Variants in AP2A2 observed in about 807,000 individuals in gnomAD.
The protein encoded by AP2A2 is AP-2 complex subunit alpha-2.
AP2A2 carries 32 observed loss-of-function variants against 104.2 expected under a neutral mutation model. That is an observed-to-expected ratio of 0.31 (90% CI 0.23 to 0.41). The LOEUF (loss-of-function observed/expected upper bound fraction) is 0.41. Among genes scored for constraint, AP2A2 ranks in the 10% least tolerant of loss-of-function variants. The probability of loss-of-function intolerance (pLI) is 1.00; values close to 1 mark genes in which losing one functional copy is unlikely to be tolerated. For missense variants in AP2A2, 912 were observed against 1,261.0 expected (o/e 0.72, Z 4.19); for synonymous variants, 539 against 533.3 (o/e 1.01, Z -0.15).
At chr11:1,009,657 C>G (rs1393634676) in intron 20 of AP2A2, 26 bp from the exon 21 acceptor site, 3 of 1,548,066 alleles carry the variant, frequency 1.9e-6, no homozygotes, top group Admixed American at 3.8e-5. Flanking sequence ...GCGCCAGGGT[C>G]CTCATTCTCC....
At position 925,889 on chromosome 11, in the gene AP2A2, C is replaced by T. The variant is rs1174737093; in HGVS notation, c.-133C>T. The T allele has an allele frequency of 5.0e-6, 3 of 594,992 alleles. No individual in the cohort carries two copies. Among genetic ancestry groups the T allele is most frequent in the Non-Finnish European group, 7.4e-6 (3 of 403,598 alleles). 36.9% of individuals were successfully genotyped at this position (594,992 alleles called of 1,614,324 possible). A position where few individuals can be genotyped will look rare whatever the true frequency, so the allele number is the denominator to read the frequency against. Reference sequence around the variant, plus strand: ...CGGCCCAGAAAGCGGCGCTGGGACCCTGAGGCGGCCGTGGTTAGGCGGCTC... The same window carrying T: ...CGGCCCAGAAAGCGGCGCTGGGACCTTGAGGCGGCCGTGGTTAGGCGGCTC... On this transcript the variant is annotated 5_prime_UTR_variant, in exon 1 of 22. Transcript: ENST00000448903.
intron 8 of AP2A2, 40 bp from the exon 9 acceptor site, chr11:986,745 T>G (rs1450073692): frequency 6.2e-7 from 1 of 1,601,678 alleles, no homozygotes; most frequent in Non-Finnish European, 8.5e-7. Context: ...GTGTTGCACT[T>G]GCTGAGGAAA....
rs921722876 is a variant in AP2A2 at position 925,911 on chromosome 11, G to C, written c.-111G>C. On this transcript the variant is annotated 5_prime_UTR_variant, in exon 1 of 22. Coordinates refer to ENST00000448903, the MANE Select transcript of AP2A2 (RefSeq NM_012305.4). ...ACCCTGAGGCGGCCGTGGTTAGGCG[G>C]CTCCCCGGCGGCTCCTCCGCGGCGG... 1 of 804,122 alleles carries C rather than the reference G, an allele frequency of 1.2e-6. No homozygotes were observed. The highest frequency in any genetic ancestry group is 4.5e-5 in the Admixed American group (1 of 22,246). 49.8% of individuals were successfully genotyped at this position (804,122 alleles called of 1,614,324 possible).
chr11:987,241 C>T (rs1205170718), intron 9 of AP2A2, among the ~76,000 whole-genome samples: 1 of 152,250 alleles, frequency 6.6e-6, no homozygotes, highest in Non-Finnish European at 1.5e-5. Flanking sequence ...CCTGCGCGTG[C>T]ATAGTGCTGA....
chr11:939,567 C>T (rs1295175399), intron 1 of AP2A2, among the ~76,000 whole-genome samples: 3 of 152,080 alleles, frequency 2.0e-5, no homozygotes, highest in Non-Finnish European at 2.9e-5. Context: ...GCCTCAGCCT[C>T]CCGAGTAGCT....
chr11:976,834 A>G (rs139422753), intron 4 of AP2A2, among the ~76,000 whole-genome samples: 3 of 152,372 alleles, frequency 2.0e-5, no homozygotes, highest in East Asian at 1.9e-4. Flanking sequence ...TCAAACAACA[A>G]ATGAGCAATG....
chr11:981,409 A>C, intron 6 of AP2A2, 110 bp downstream of exon 6: 2 of 958,998 alleles, frequency 2.1e-6, no homozygotes, highest in South Asian at 3.2e-5. Context: ...AAATTCAGGG[A>C]TGAAAACCAA....
In AP2A2 at chr11:926,098, G is replaced by T. The variant is rs945978099; in HGVS notation, c.67+10G>T. 1.7e-5 allele frequency: 22 copies of T among 1,314,976 alleles called. No homozygotes were observed. Among genetic ancestry groups the T allele is most frequent in the Non-Finnish European group, 2.2e-5 (22 of 1,020,588 alleles). The allele number at this position is 1,314,976 out of a possible 1,614,324, so 81.5% of individuals were successfully genotyped here. On this transcript the variant is annotated intron_variant, in intron 1 of 21. Transcript: ENST00000448903. ...TCGGATATCCGCAACTGTGAGTGGC[G>T]GGGGCGGCGTGGGGCCGGGGCCGGG...
chr11:1,009,900 T>G lies in AP2A2; in HGVS notation c.2742+83T>G. ...GTACGTGGTGAGATGTGTAGCTCTTTAGTGCAGTTCAGTCAGTTTTGACAG... is the reference window on the plus strand; with the variant it reads ...GTACGTGGTGAGATGTGTAGCTCTTGAGTGCAGTTCAGTCAGTTTTGACAG... On this transcript the variant is annotated intron_variant, in intron 21 of 21. Coordinates refer to ENST00000448903, the MANE Select transcript of AP2A2 (RefSeq NM_012305.4). 2.7e-6 allele frequency: 4 copies of G among 1,460,798 alleles called. No individual in the cohort carries two copies. The South Asian group carries it at 5.2e-5, about 19-fold the overall frequency. 90.5% of individuals were successfully genotyped at this position (1,460,798 alleles called of 1,614,324 possible).
chr11:1,003,666 C>T, intron 15 of AP2A2, 56 bp from the exon 16 acceptor site: 4 of 1,216,274 alleles, frequency 3.3e-6, no homozygotes, highest in South Asian at 3.0e-5. Context: ...AGAACAAACC[C>T]TTGTGTTTTC....
chr11:950,293 C>T (rs7395402), intron 1 of AP2A2, among the ~76,000 whole-genome samples: 76,643 of 150,686 alleles, frequency 0.51, 20,066 homozygotes, highest in Middle Eastern at 0.66. Context: ...GAGTAAGTTT[C>T]TGTGACTTTG....
Position 1,007,782 on chromosome 11 carries a change from A to G in AP2A2, c.2297-230A>G, listed in dbSNP as rs1856259511. ...AGACAAGTAGTATATAATCTAAGTG[A>G]CTTTTTAAAATGGAGGAGCCATTCT... On this transcript the variant is annotated intron_variant, in intron 17 of 21. Transcript: ENST00000448903. 4 of 612,128 alleles carry G rather than the reference A, an allele frequency of 6.5e-6. No homozygotes were observed. In the East Asian group the frequency reaches 1.1e-4, roughly 17 times the overall value. The allele number at this position is 612,128 out of a possible 1,614,324, so 37.9% of individuals were successfully genotyped here. A position where few individuals can be genotyped will look rare whatever the true frequency, so the allele number is the denominator to read the frequency against.
chr11:1,010,659 G>T lies in AP2A2; in HGVS notation c.*34G>T, dbSNP rs1464113703. On this transcript the variant is annotated 3_prime_UTR_variant, in exon 22 of 22. Coordinates refer to ENST00000448903, the MANE Select transcript of AP2A2 (RefSeq NM_012305.4). ...ATGGAAGACCAGGCTCGTGTGTCTT[G>T]TGTTGTCTTCGTCTGTGCCGTTTGT... is the stretch of plus-strand genomic sequence containing the variant. The T allele has an allele frequency of 2.6e-6, 4 of 1,533,310 alleles. No homozygotes were observed. The highest frequency in any genetic ancestry group is 2.7e-5 in the African/African-American group (2 of 73,080). The allele number at this position is 1,533,310 out of a possible 1,614,324, so 95.0% of individuals were successfully genotyped here.
In AP2A2 at chr11:925,967, C is replaced by T. The variant is rs539037997; in HGVS notation, c.-55C>T. On this transcript the variant is annotated 5_prime_UTR_variant, in exon 1 of 22. Coordinates refer to ENST00000448903, the MANE Select transcript of AP2A2 (RefSeq NM_012305.4). ...GCGACCGCACTCCCCGCTTCCCGCT[C>T]CCCGCGCTCCTCCGCCCGGGTCCGC... 2,558 of 1,331,516 alleles carry T rather than the reference C, an allele frequency of 1.9e-3. 6 individuals carry two copies. Among genetic ancestry groups the T allele is most frequent in the Admixed American group, 4.5e-3 (145 of 32,082 alleles). 82.5% of individuals were successfully genotyped at this position (1,331,516 alleles called of 1,614,324 possible).
intron 9 of AP2A2, among the ~76,000 whole-genome samples, chr11:988,091 C>T (rs572871472): frequency 5.3e-5 from 8 of 152,352 alleles, no homozygotes; most frequent in East Asian, 1.9e-4. Context: ...GAGCAGAGCT[C>T]GGGCTTTCTC....
Position 1,009,103 on chromosome 11 carries a change from T to C in AP2A2, c.2424T>C (p.Tyr808=). 1 of 1,611,636 alleles carries C rather than the reference T, an allele frequency of 6.2e-7. No homozygotes were observed. ...EAPVLNIQFR[Y]GGTFQNVSVQ... ...CTGCTGCTGCTGCTGCTGGCAGGTA[T>C]GGGGGCACCTTCCAGAACGTGTCTG... Residue 808 remains tyrosine, a synonymous_variant, in exon 19 of 22, where the codon TAT becomes TAC. Coordinates refer to ENST00000448903, the MANE Select transcript of AP2A2 (RefSeq NM_012305.4).
chr11:994,607 G>T (rs1449584699), intron 14 of AP2A2, among the ~76,000 whole-genome samples: 1 of 143,554 alleles, frequency 7.0e-6, no homozygotes, highest in African/African-American at 2.6e-5. Flanking sequence ...GGGGGCCACT[G>T]TCCCTGCTGC....
intron 14 of AP2A2, among the ~76,000 whole-genome samples, chr11:998,278 G>A (rs1369584892): frequency 6.6e-6 from 1 of 152,116 alleles, no homozygotes; most frequent in East Asian, 1.9e-4. Context: ...GAGCCTGGGA[G>A]CCTGCCCCGT....
Position 994,191 on chromosome 11 carries a change from G to A in AP2A2, c.1902G>A (p.Arg634=), listed in dbSNP as rs1855762612. ...VTDLEDTKRD[R]SVDVNGGPEP... is the part of the protein sequence containing the mutation. ...ACCTGGAGGACACCAAGCGGGACAGGAGTGTGGACGTGAACGGGGGTCCTG... is the reference window on the plus strand; with the variant it reads ...ACCTGGAGGACACCAAGCGGGACAGAAGTGTGGACGTGAACGGGGGTCCTG... The change falls in exon 14 of 22, where the codon AGG becomes AGA. Residue 634 remains arginine (R), a synonymous_variant. Transcript: ENST00000448903. 4 of 1,612,882 alleles carry A rather than the reference G, an allele frequency of 2.5e-6. No individual in the cohort carries two copies. Among genetic ancestry groups the A allele is most frequent in the Non-Finnish European group, 3.4e-6 (4 of 1,179,868 alleles).
Sources: allele counts gnomAD v4.1 joint callset (sites outside exome capture counted in the v4.1 genomes callset), GRCh38; gene constraint gnomAD v4.1.1; transcripts MANE v1.5; gene names NCBI Gene and HGNC (gene_info 2026-07-23, HGNC 2026-07-21).